SCN8A: variants seen among roughly 807,000 people sequenced by gnomAD.
SCN8A encodes the protein sodium voltage-gated channel alpha subunit 8.
Under a neutral mutation model 184.1 loss-of-function variants are expected in SCN8A, and 30 were observed. That is an observed-to-expected ratio of 0.16 (90% CI 0.12 to 0.22). The LOEUF (loss-of-function observed/expected upper bound fraction) is 0.22. Ranked by LOEUF, SCN8A falls within the 10% of genes least tolerant of loss-of-function variation. The pLI, the probability that SCN8A is intolerant of heterozygous loss-of-function variation, is 1.00. For missense variants in SCN8A, 1,057 were observed against 2,498.9 expected (o/e 0.42, Z 12.30); for synonymous variants, 852 against 907.0 (o/e 0.94, Z 1.09).
At chr12:51,721,499 C>G in intron 11 of SCN8A, 47 bp from the exon 12 acceptor site, 3 of 1,530,506 alleles carry the variant, frequency 2.0e-6, no homozygotes, top group Non-Finnish European at 1.8e-6. Flanking sequence ...GTCCACACTC[C>G]CGTCTCATTT....
chr12:51,792,825 C>T (rs548949654), intron 25 of SCN8A, among the ~76,000 whole-genome samples: 2 of 152,270 alleles, frequency 1.3e-5, no homozygotes, highest in East Asian at 3.9e-4. Flanking sequence ...CCACTGCAAC[C>T]TCTGCCTCCC....
chr12:51,765,656 T>A lies in SCN8A; in HGVS notation c.2545-15T>A. On this transcript the variant is annotated splice_polypyrimidine_tract_variant and intron_variant, in intron 15 of 26. Coordinates refer to ENST00000627620, the MANE Select transcript of SCN8A (RefSeq NM_001330260.2). ...GTATCATTTATTTTTTTGTTTGGGT[T>A]TTTTTTTTCCTTAGCTCCGAGTCTT... is the stretch of plus-strand genomic sequence containing the variant. 1 of 1,490,582 alleles carries A rather than the reference T, an allele frequency of 6.7e-7. No homozygotes were observed. Among genetic ancestry groups the A allele is most frequent in the Non-Finnish European group, 9.0e-7 (1 of 1,112,514 alleles). The allele number at this position is 1,490,582 out of a possible 1,614,324, so 92.3% of individuals were successfully genotyped here. A position where few individuals can be genotyped will look rare whatever the true frequency, so the allele number is the denominator to read the frequency against.
chr12:51,611,842 G>A (rs760763305), intron 1 of SCN8A, among the ~76,000 whole-genome samples: 5 of 152,088 alleles, frequency 3.3e-5, no homozygotes, highest in Non-Finnish European at 5.9e-5. Context: ...TTTATTTCTT[G>A]TATATAGAGA....
chr12:51,727,454 A>AG lies in SCN8A; in HGVS notation c.1998+5549dup, dbSNP rs1942173434. Among the ~76,000 whole-genome samples the AG allele has an allele frequency of 3.3e-5, 5 of 152,276 alleles. No individual in the cohort carries two copies. The South Asian group carries it at 1.0e-3, about 32-fold the overall frequency. On this transcript the variant is annotated intron_variant, in intron 12 of 26. Transcript: ENST00000627620. Reference sequence around the variant, plus strand: ...TGAAAAGATAGAGAAGGGGAGGGAAAGGGTATGTGATCTTTCCTCTGGCCC... The same window carrying AG: ...TGAAAAGATAGAGAAGGGGAGGGAAAGGGGTATGTGATCTTTCCTCTGGCCC...
chr12:51,643,532 A>G lies in SCN8A; in HGVS notation c.-54-19232A>G, dbSNP rs1592349658. ...CTATTTCAAGAGAACTTTATTAATA[A>G]TTAACTCCAGATCTATATTGTTGAA... On this transcript the variant is annotated intron_variant, in intron 1 of 26. Transcript: ENST00000627620. Among the ~76,000 whole-genome samples the G allele has an allele frequency of 2.6e-5, 4 of 152,328 alleles. No individual in the cohort carries two copies. The East Asian group carries it at 7.7e-4, about 29-fold the overall frequency.
At chr12:51,698,588 G>A (rs535773811) in intron 6 of SCN8A, among the ~76,000 whole-genome samples, 48 of 152,268 alleles carry the variant, frequency 3.2e-4, no homozygotes, top group African/African-American at 1.1e-3. Context: ...ATATTTTTCT[G>A]TCTCTTCTGT....
chr12:51,684,568 C>A lies in SCN8A; in HGVS notation c.395+276C>A. On this transcript the variant is annotated intron_variant, in intron 3 of 26. Transcript: ENST00000627620. ...AAAATAACCTTTGTTGAAGTCTTAA[C>A]TTTATTTAGTACTCAGACTTCAGTG... is the stretch of plus-strand genomic sequence containing the variant. Among the ~76,000 whole-genome samples, 2 of 152,144 alleles carry A rather than the reference C, an allele frequency of 1.3e-5. 1 individual carries two copies. Among genetic ancestry groups the A allele is most frequent in the Non-Finnish European group, 2.9e-5 (2 of 68,010 alleles).
chr12:51,782,334 C>T (rs575267915), intron 21 of SCN8A, among the ~76,000 whole-genome samples: 8 of 152,326 alleles, frequency 5.3e-5, no homozygotes, highest in African/African-American at 1.7e-4. Context: ...TAGACAGCCA[C>T]GGTGAGATTG....
intron 12 of SCN8A, among the ~76,000 whole-genome samples, chr12:51,738,917 G>A (rs1942372501): frequency 1.3e-5 from 2 of 152,194 alleles, no homozygotes; most frequent in Admixed American, 6.5e-5. Flanking sequence ...GTGGGGGACA[G>A]ACATTGTACA....
intron 1 of SCN8A, among the ~76,000 whole-genome samples, chr12:51,657,207 G>A (rs1905242): frequency 0.81 from 123,444 of 152,042 alleles, 51,057 homozygotes; most frequent in East Asian, 0.99. Flanking sequence ...ATAATATGTG[G>A]TACAGTGTGA....
At chr12:51,766,075 A>G (rs1372087604) in intron 16 of SCN8A, 48 bp downstream of exon 16, 2 of 1,459,264 alleles carry the variant, frequency 1.4e-6, no homozygotes, top group Middle Eastern at 1.8e-4. Context: ...TGAATATTCT[A>G]CCCCTGGCCC....
intron 2 of SCN8A, among the ~76,000 whole-genome samples, chr12:51,675,937 A>G (rs1353849113): frequency 6.6e-6 from 1 of 152,216 alleles, no homozygotes; most frequent in Non-Finnish European, 1.5e-5. Flanking sequence ...TGCCTGCCAC[A>G]TAGTAAATGC....
chr12:51,611,452 G>A (rs1261675839), intron 1 of SCN8A, among the ~76,000 whole-genome samples: 7 of 152,114 alleles, frequency 4.6e-5, no homozygotes, highest in African/African-American at 1.4e-4. Flanking sequence ...GTGAGCCACC[G>A]CGCCCAGCTA....
chr12:51,750,955 T>C (rs1192596413), intron 13 of SCN8A, among the ~76,000 whole-genome samples: 1 of 152,182 alleles, frequency 6.6e-6, no homozygotes, highest in East Asian at 1.9e-4. Context: ...TCAAACTCAT[T>C]CAGTCCTGTA....
At position 51,596,935 on chromosome 12, in the gene SCN8A, G is replaced by A. The variant is rs558942597; in HGVS notation, c.-55+5576G>A. On this transcript the variant is annotated intron_variant, in intron 1 of 26. Coordinates refer to ENST00000627620, the MANE Select transcript of SCN8A (RefSeq NM_001330260.2). The stretch of plus-strand genomic sequence containing the variant: ...ACCTGGACTTCTTTGCTTATGCAAG[G>A]CTGAAACTGGTGTGAGACTCAGAGA... Among the ~76,000 whole-genome samples the A allele has an allele frequency of 1.6e-4, 25 of 152,304 alleles. No individual in the cohort carries two copies. In the South Asian group the frequency reaches 5.2e-3, roughly 32 times the overall value.
intron 1 of SCN8A, among the ~76,000 whole-genome samples, chr12:51,600,610 T>A (rs1292837233): frequency 6.6e-6 from 1 of 152,182 alleles, no homozygotes; most frequent in Non-Finnish European, 1.5e-5. Context: ...CAGAGGGCCC[T>A]AACGTACAAC....
Position 51,632,445 on chromosome 12 carries a change from A to G in SCN8A, c.-54-30319A>G, listed in dbSNP as rs1940216351. ...TCTCCTTTGAGTTCTAGTGTTGGTG[A>G]CACTCCCCTCCCTTGTGGCTGTACT... On this transcript the variant is annotated intron_variant, in intron 1 of 26. Coordinates refer to ENST00000627620, the MANE Select transcript of SCN8A (RefSeq NM_001330260.2). Among the ~76,000 whole-genome samples the G allele has an allele frequency of 2.0e-5, 3 of 152,194 alleles. No individual in the cohort carries two copies. The South Asian group carries it at 6.2e-4, about 32-fold the overall frequency.
chr12:51,781,298 C>A (rs995074234), intron 21 of SCN8A, among the ~76,000 whole-genome samples: 1 of 152,120 alleles, frequency 6.6e-6, no homozygotes, highest in African/African-American at 2.4e-5. Context: ...AGAAGAAATG[C>A]TTTTCTTTCT....
chr12:51,658,224 A>G (rs951169467), intron 1 of SCN8A, among the ~76,000 whole-genome samples: 4 of 152,032 alleles, frequency 2.6e-5, no homozygotes, highest in Non-Finnish European at 4.4e-5. Context: ...TATTTTCACA[A>G]TATTAATTCT....
Sources: allele counts gnomAD v4.1 joint callset (sites outside exome capture counted in the v4.1 genomes callset), GRCh38; gene constraint gnomAD v4.1.1; transcripts MANE v1.5; gene names NCBI Gene and HGNC (gene_info 2026-07-23, HGNC 2026-07-21).